Variants in HIP1R observed in about 807,000 individuals in gnomAD.
HIP1R encodes the protein huntingtin-interacting protein 1-related protein.
Under a neutral mutation model 144.2 loss-of-function variants are expected in HIP1R, and 135 were observed. The observed-to-expected ratio is 0.94, with a 90% confidence interval of 0.81 to 1.08. The LOEUF (loss-of-function observed/expected upper bound fraction) is 1.08. Among genes scored for constraint, HIP1R ranks in the 50% least tolerant of loss-of-function variants. HIP1R has a pLI of 0.00. For missense variants in HIP1R, 1,462 were observed against 1,432.8 expected, an observed-to-expected ratio of 1.02 and a Z score of -0.33; for synonymous variants, 698 against 612.8, an observed-to-expected ratio of 1.14 and a Z score of -2.05.
At position 122,854,929 on chromosome 12, in the gene HIP1R, G is replaced by T; in HGVS notation, c.743G>T (p.Gly248Val). 6.2e-7 allele frequency: 1 copy of T among 1,612,912 alleles called. No homozygotes were observed. The highest frequency in any genetic ancestry group is 1.1e-5 in the South Asian group (1 of 91,074). The part of the protein sequence containing the change: ...HSCLPADTLQ[G>V]HRDRFHEQFH... The stretch of plus-strand genomic sequence containing the variant: ...GGTCTCCCTGCGGACACCCTGCAAG[G>T]CCACAGGGACCGGTTCCACGAGCAG... The change falls in exon 9 of 32, where the codon GGC becomes GTC. Residue 248 changes from glycine to valine, a missense_variant. Gly to Val is a moderately radical substitution (Grantham distance 109). Coordinates refer to ENST00000253083, the MANE Select transcript of HIP1R (RefSeq NM_003959.3).
At chr12:122,847,637 CG>C (rs1255365697) in intron 1 of HIP1R, among the ~76,000 whole-genome samples, 1 of 152,182 alleles carries the variant, frequency 6.6e-6, no homozygotes, top group Admixed American at 6.5e-5. Flanking sequence ...GGGCCCCAGC[CG>C]GGGGCTCCAG....
Position 122,858,822 on chromosome 12 carries a change from C to T in HIP1R, c.2051-16C>T. ...GTGTCATCCTCCCCCAACCTTGGCC[C>T]CACCCACCCGCACAGACGCCTCCGC... On this transcript the variant is annotated splice_polypyrimidine_tract_variant and intron_variant, in intron 20 of 31. Transcript: ENST00000253083. 6.3e-7 allele frequency: 1 copy of T among 1,597,370 alleles called. No homozygotes were observed. The highest frequency in any genetic ancestry group is 8.6e-7 in the Non-Finnish European group (1 of 1,166,382).
At position 122,856,087 on chromosome 12, in the gene HIP1R, C is replaced by G. The variant is rs1205108831; in HGVS notation, c.1236C>G (p.Leu412=). The change falls in exon 14 of 32, where the codon CTC becomes CTG. Residue 412 remains leucine (L), a synonymous_variant. Transcript: ENST00000253083. ...KQKALVDNEQ[L]RHELAQLRAA... ...AGGCCCTGGTGGATAATGAGCAGCTCCGCCACGAGCTGGCCCAGCTGAGGG... is the reference window on the plus strand; with the variant it reads ...AGGCCCTGGTGGATAATGAGCAGCTGCGCCACGAGCTGGCCCAGCTGAGGG... 6.3e-7 allele frequency: 1 copy of G among 1,585,188 alleles called. No individual in the cohort carries two copies. The highest frequency in any genetic ancestry group is 8.6e-7 in the Non-Finnish European group (1 of 1,166,248).
chr12:122,856,977 C>T (rs1276144186), intron 17 of HIP1R, 44 bp from the exon 18 acceptor site: 6 of 1,533,382 alleles, frequency 3.9e-6, no homozygotes, highest in African/African-American at 1.4e-5. Context: ...TGGGTGGGGC[C>T]TGGGAGCTCT....
At chr12:122,848,733 T>A in intron 3 of HIP1R, 63 bp from the exon 4 acceptor site, 1 of 1,604,084 alleles carries the variant, frequency 6.2e-7, no homozygotes, top group South Asian at 1.1e-5. Flanking sequence ...GGGGAGTGCG[T>A]GTCTCAGGGC....
intron 1 of HIP1R, among the ~76,000 whole-genome samples, chr12:122,845,104 A>G (rs923283999): frequency 6.6e-6 from 1 of 152,234 alleles, no homozygotes; most frequent in Non-Finnish European, 1.5e-5. Flanking sequence ...GAGCTGCGTC[A>G]AGGACACCGT....
chr12:122,859,863 C>A, intron 24 of HIP1R, 33 bp downstream of exon 24: 1 of 1,597,076 alleles, frequency 6.3e-7, no homozygotes. Flanking sequence ...CAGGCCCAGC[C>A]GAGGTGGGCT....
intron 5 of HIP1R, chr12:122,850,232 G>T: frequency 1.7e-6 from 1 of 597,446 alleles, no homozygotes. Context: ...TGCTGTGCTG[G>T]CCGGGTGCTC....
Position 122,858,180 on chromosome 12 carries a change from G to C in HIP1R, c.1894G>C (p.Ala632Pro). The change falls in exon 19 of 32, where the codon GCG becomes CCG. Residue 632 changes from alanine (A) to proline (P), a missense_variant. Coordinates refer to ENST00000253083, the MANE Select transcript of HIP1R (RefSeq NM_003959.3). ...GTTGCGGGGCGCTGCTGCCGAGGCC[G>C]CGGGCATCCTGCAGGATGCCGTGAG... is the stretch of plus-strand genomic sequence containing the variant. ...AVLRGAAAEA[A>P]GILQDAVSKL... The C allele has an allele frequency of 6.2e-7, 1 of 1,607,502 alleles. No individual in the cohort carries two copies.
chr12:122,858,004 T>C (rs1390358828), intron 18 of HIP1R, 98 bp from the exon 19 acceptor site: 6 of 1,121,234 alleles, frequency 5.4e-6, no homozygotes, highest in Non-Finnish European at 7.5e-6. Flanking sequence ...GGGTCTCAGC[T>C]GGGCTCCAAC....
At chr12:122,839,210 A>C (rs141701584) in intron 1 of HIP1R, among the ~76,000 whole-genome samples, 22 of 152,366 alleles carry the variant, frequency 1.4e-4, no homozygotes, top group African/African-American at 5.1e-4. Context: ...GGAGTACTGG[A>C]AATGCTAATG....
At chr12:122,853,941 G>A (rs1324666577) in intron 7 of HIP1R, 102 bp from the exon 8 acceptor site, 27 of 1,366,598 alleles carry the variant, frequency 2.0e-5, no homozygotes, top group Non-Finnish European at 2.7e-5. Flanking sequence ...GCACACTGGT[G>A]TGTGGGAGCT....
At chr12:122,857,623 G>A (rs1566112997) in intron 18 of HIP1R, 5 of 349,704 alleles carry the variant, frequency 1.4e-5, no homozygotes, top group Non-Finnish European at 2.2e-5. Context: ...GAACTGCTGG[G>A]TCTCACCTCT....
chr12:122,860,545 G>A, intron 27 of HIP1R, 22 bp downstream of exon 27: 3 of 1,574,232 alleles, frequency 1.9e-6, no homozygotes, highest in Non-Finnish European at 2.6e-6. Context: ...TGGGTGGGGG[G>A]GGGCAGGGGG....
intron 4 of HIP1R, among the ~76,000 whole-genome samples, chr12:122,849,317 G>A (rs539331640): frequency 6.6e-6 from 1 of 152,388 alleles, no homozygotes; most frequent in South Asian, 2.1e-4. Context: ...TGGGCAGAGG[G>A]CCTTGGCCTG....
chr12:122,839,536 G>A (rs781592000), intron 1 of HIP1R, among the ~76,000 whole-genome samples: 8 of 152,188 alleles, frequency 5.3e-5, no homozygotes, highest in East Asian at 1.9e-4. Context: ...AGCATCCCCC[G>A]TGAAACCAAA....
chr12:122,858,297 C>T (rs2033657358), intron 19 of HIP1R, 48 bp downstream of exon 19: 4 of 1,585,648 alleles, frequency 2.5e-6, no homozygotes, highest in Non-Finnish European at 3.4e-6. Context: ...CCTTCCCATC[C>T]CCAGCCCTGA....
chr12:122,842,628 T>A (rs1027309755), intron 1 of HIP1R, among the ~76,000 whole-genome samples: 9 of 152,012 alleles, frequency 5.9e-5, no homozygotes, highest in Non-Finnish European at 8.8e-5. Context: ...TGCCGCGGGG[T>A]TGGCGTGTGG....
rs2032912910 is a variant in HIP1R at position 122,836,909 on chromosome 12, G to A, written c.93+1266G>A. Among the ~76,000 whole-genome samples, 1 of 152,230 alleles carries A rather than the reference G, an allele frequency of 6.6e-6. No individual in the cohort carries two copies. The highest frequency in any genetic ancestry group is 2.1e-4 in the South Asian group (1 of 4,832). ...CTGAGGATATCAAGGCTTTAGAAAT[G>A]CGAAGTGCTGGAACCCAGGTGGCTG... On this transcript the variant is annotated intron_variant, in intron 1 of 31. Coordinates refer to ENST00000253083, the MANE Select transcript of HIP1R (RefSeq NM_003959.3). The surrounding 1 kb of genome is among the most constrained non-coding windows in gnomAD (Gnocchi z 4.1).
Sources: allele counts gnomAD v4.1 joint callset (sites outside exome capture counted in the v4.1 genomes callset), GRCh38; gene constraint gnomAD v4.1.1; non-coding constraint Gnocchi (gnomAD v3.1); transcripts MANE v1.5; gene names NCBI Gene and HGNC (gene_info 2026-07-23, HGNC 2026-07-21).